PFKP: variants seen among roughly 807,000 people sequenced by gnomAD.
PFKP encodes the protein phosphofructokinase, platelet.
Under a neutral mutation model 94.3 loss-of-function variants are expected in PFKP, and 101 were observed. The ratio of observed to expected loss-of-function variants is 1.07; its 90% confidence interval spans 0.91 to 1.26. The LOEUF is 1.26. PFKP is among the 50% of genes most tolerant of loss of function. The probability of loss-of-function intolerance (pLI) is 0.00; values close to 1 mark genes in which losing one functional copy is unlikely to be tolerated. For missense variants in PFKP, 1,145 were observed against 1,103.3 expected (o/e 1.04, Z -0.53); for synonymous variants, 573 against 432.6 (o/e 1.32, Z -4.03).
chr10:3,106,570 C>A (rs756418323), intron 7 of PFKP, among the ~76,000 whole-genome samples: 59 of 151,106 alleles, frequency 3.9e-4, no homozygotes, highest in Non-Finnish European at 6.5e-4. Context: ...TTCCAGTGAG[C>A]CACAGCCGCC....
rs1564336017 is a variant in PFKP, at chr10:3,120,062, C to G, written c.1683+18C>G. 6.2e-7 allele frequency: 1 copy of G among 1,612,912 alleles called. No individual in the cohort carries two copies. Among genetic ancestry groups the G allele is most frequent in the Non-Finnish European group, 8.5e-7 (1 of 1,179,602 alleles). ...TCACCGACGTAAGTCCGTGTGCGCCCTGCCAGGCGGGCGCCGGCTGACGCT... is the reference window on the plus strand; with the variant it reads ...TCACCGACGTAAGTCCGTGTGCGCCGTGCCAGGCGGGCGCCGGCTGACGCT... On this transcript the variant is annotated intron_variant, in intron 16 of 21. Coordinates refer to ENST00000381125, the MANE Select transcript of PFKP (RefSeq NM_002627.5).
chr10:3,120,769 C>T (rs1253783608), intron 16 of PFKP, among the ~76,000 whole-genome samples: 1 of 149,918 alleles, frequency 6.7e-6, no homozygotes, highest in Non-Finnish European at 1.5e-5. Flanking sequence ...AGGTGATCCT[C>T]TCACCTCAGC....
chr10:3,127,168 T>C (rs140908339), intron 16 of PFKP, among the ~76,000 whole-genome samples: 21 of 152,366 alleles, frequency 1.4e-4, no homozygotes, highest in African/African-American at 3.8e-4. Flanking sequence ...ATCTAGGTAA[T>C]GAGGAGAGAG....
intron 21 of PFKP, 105 bp from the exon 22 acceptor site, chr10:3,136,345 T>A (rs1389708375): frequency 8.3e-7 from 1 of 1,209,586 alleles, no homozygotes; most frequent in Non-Finnish European, 1.2e-6. Flanking sequence ...CAGCCGACCC[T>A]ACAAACCCTG....
chr10:3,091,598 T>A (rs1398007718), intron 2 of PFKP, among the ~76,000 whole-genome samples: 1 of 152,102 alleles, frequency 6.6e-6, no homozygotes, highest in Admixed American at 6.6e-5. Flanking sequence ...ATGGATCCTT[T>A]GAGGTCAGGA....
rs149779574 is a variant in PFKP, at chr10:3,102,879, C to T, written c.455-900C>T. Among the ~76,000 whole-genome samples the T allele has an allele frequency of 2.3e-3, 346 of 152,360 alleles. 4 individuals are homozygous for T. The highest frequency in any genetic ancestry group is 7.9e-3 in the African/African-American group (327 of 41,576). ...GCCCGTTGGAAGCAGCCAGGCCTCA[C>T]GGTTCCCGCTTGTCCACCTCATCCC... On this transcript the variant is annotated intron_variant, in intron 4 of 21. Coordinates refer to ENST00000381125, the MANE Select transcript of PFKP (RefSeq NM_002627.5).
chr10:3,072,903 T>C (rs892522996), intron 1 of PFKP, among the ~76,000 whole-genome samples: 6 of 152,010 alleles, frequency 3.9e-5, no homozygotes, highest in African/African-American at 1.5e-4. Flanking sequence ...CGGGTGAATA[T>C]AGAACAGAGG....
chr10:3,071,425 CTGTTT>C (rs1426136805), intron 1 of PFKP, among the ~76,000 whole-genome samples: 1 of 99,816 alleles, frequency 1.0e-5, no homozygotes, highest in Non-Finnish European at 1.9e-5. Context: ...CTGTCTCAGG[CTGTTT>C]TTTTTTTTTT....
At chr10:3,096,196 C>T (rs185851827) in intron 2 of PFKP, among the ~76,000 whole-genome samples, 15 of 152,192 alleles carry the variant, frequency 9.9e-5, no homozygotes, top group Admixed American at 5.2e-4. Flanking sequence ...TGCTGGGTGG[C>T]GGTTGACTTG....
rs1414546979 is a variant in PFKP at position 3,133,752 on chromosome 10, G to T, written c.2022+438G>T. On this transcript the variant is annotated intron_variant, in intron 19 of 21. Transcript: ENST00000381125. ...AGCCAAAACATCTGAACTTTTAAGT[G>T]ATGCCAAACATCACCAGCTTTAGGA... Among the ~76,000 whole-genome samples, 4 of 152,320 alleles carry T rather than the reference G, an allele frequency of 2.6e-5. No individual in the cohort carries two copies. In the East Asian group the frequency reaches 7.7e-4, roughly 29 times the overall value.
At chr10:3,113,045 A>G (rs6602024) in intron 11 of PFKP, 74 bp from the exon 12 acceptor site, 1,224,943 of 1,372,066 alleles carry the variant, frequency 0.89, 547,945 homozygotes, top group East Asian at 0.99. Flanking sequence ...CAGATAAGCC[A>G]CCTTTTCTCC....
intron 13 of PFKP, 69 bp downstream of exon 13, chr10:3,113,587 G>A (rs1836485968): frequency 2.1e-6 from 3 of 1,452,262 alleles, no homozygotes; most frequent in Admixed American, 2.0e-5. Context: ...TGGCGGCGGG[G>A]GGGTGCCCTC....
At position 3,136,772 on chromosome 10, in the gene PFKP, G is replaced by T; in HGVS notation, c.*193G>T. Reference sequence around the variant, plus strand: ...ATGCTTTCAGATGTGCATATGAGCAGAATTAATTAAACATTTGCCTATGAC... The same window carrying T: ...ATGCTTTCAGATGTGCATATGAGCATAATTAATTAAACATTTGCCTATGAC... On this transcript the variant is annotated 3_prime_UTR_variant, in exon 22 of 22. Coordinates refer to ENST00000381125, the MANE Select transcript of PFKP (RefSeq NM_002627.5). 2.0e-6 allele frequency: 1 copy of T among 493,812 alleles called. No homozygotes were observed. The highest frequency in any genetic ancestry group is 3.7e-5 in the East Asian group (1 of 26,822). 30.6% of individuals were successfully genotyped at this position (493,812 alleles called of 1,614,324 possible).
rs1302825200 is a variant in PFKP at position 3,097,469 on chromosome 10, A to AATC, written c.187-1805_187-1803dup. Among the ~76,000 whole-genome samples the AATC allele has an allele frequency of 1.4e-4, 22 of 151,896 alleles. 1 individual carries two copies. The highest frequency in any genetic ancestry group is 2.9e-4 in the Non-Finnish European group (20 of 67,912). ...AAGGGGAGACAATAATAATAATAAT[A>AATC]ATCCCTAGAGTGAGACTGGGCTGTG... On this transcript the variant is annotated intron_variant, in intron 2 of 21. Transcript: ENST00000381125.
intron 7 of PFKP, 71 bp from the exon 8 acceptor site, chr10:3,107,143 T>G: frequency 1.1e-6 from 1 of 934,724 alleles, no homozygotes. Flanking sequence ...GACAGACTTC[T>G]GTGGTTTTGT....
intron 10 of PFKP, among the ~76,000 whole-genome samples, chr10:3,111,861 A>G (rs1450505620): frequency 6.6e-6 from 1 of 152,102 alleles, no homozygotes; most frequent in Non-Finnish European, 1.5e-5. Context: ...TCAAATTGAG[A>G]ATTCCTTAGA....
At position 3,129,817 on chromosome 10, in the gene PFKP, A is replaced by G. The variant is rs1288370005; in HGVS notation, c.1684-2A>G. On this transcript the variant is annotated splice_acceptor_variant, in intron 16 of 21. Coordinates refer to ENST00000381125, the MANE Select transcript of PFKP (RefSeq NM_002627.5). LOFTEE classifies it high-confidence loss of function. The stretch of plus-strand genomic sequence containing the variant: ...AGTGACTGATCGCTTCTCTGTGACC[A>G]GACCTGCGACCGCATCAAGCAGTCC... 1.2e-6 allele frequency: 2 copies of G among 1,613,336 alleles called. No individual in the cohort carries two copies. The highest frequency in any genetic ancestry group is 3.3e-5 in the Admixed American group (2 of 60,008).
At chr10:3,103,714 A>C (rs11251719) in intron 4 of PFKP, 65 bp from the exon 5 acceptor site, 1,148,119 of 1,568,318 alleles carry the variant, frequency 0.73, 424,015 homozygotes, top group Non-Finnish European at 0.76. Context: ...CCTCACCCCT[A>C]GTGGGGCACC....
At chr10:3,103,271 G>A (rs934397527) in intron 4 of PFKP, among the ~76,000 whole-genome samples, 4 of 152,214 alleles carry the variant, frequency 2.6e-5, no homozygotes, top group African/African-American at 9.6e-5. Flanking sequence ...AGGTGACAGA[G>A]TCCATTGTGT....
Sources: allele counts gnomAD v4.1 joint callset (sites outside exome capture counted in the v4.1 genomes callset), GRCh38; gene constraint gnomAD v4.1.1; transcripts MANE v1.5; gene names NCBI Gene and HGNC (gene_info 2026-07-23, HGNC 2026-07-21).